Variants in AXDND1 observed in about 807,000 individuals in gnomAD.
AXDND1 encodes axonemal dynein light chain domain containing 1, also known as axonemal dynein light chain domain-containing protein 1.
AXDND1 carries 110 observed loss-of-function variants against 137.5 expected under a neutral mutation model. The ratio of observed to expected loss-of-function variants is 0.80; its 90% CI spans 0.69 to 0.94. The LOEUF (loss-of-function observed/expected upper bound fraction) is 0.94. AXDND1 is among the 40% of genes least tolerant of loss of function. The pLI is 0.00. For synonymous variants in AXDND1, 414 were observed against 399.7 expected (o/e 1.04, Z -0.43); for missense variants, 1,191 against 1,169.8 (o/e 1.02, Z -0.26).
chr1:179,526,887 A>G (rs996605571), intron 22 of AXDND1, among the ~76,000 whole-genome samples: 2 of 152,188 alleles, frequency 1.3e-5, no homozygotes, highest in African/African-American at 4.8e-5. Flanking sequence ...CAAGATGTTT[A>G]TGGTTGAGGA....
chr1:179,512,973 G>A (rs1243691278), intron 21 of AXDND1, among the ~76,000 whole-genome samples: 1 of 151,990 alleles, frequency 6.6e-6, no homozygotes, highest in African/African-American at 2.4e-5. Context: ...GAGTCTTTAG[G>A]GTTTTCAAGG....
At chr1:179,387,255 A>C (rs536564706) in intron 9 of AXDND1, among the ~76,000 whole-genome samples, 2 of 152,290 alleles carry the variant, frequency 1.3e-5, no homozygotes, top group East Asian at 3.9e-4. Context: ...TTATTGGCTC[A>C]CAGTTTGGGA....
chr1:179,424,851 T>C (rs7513782), intron 12 of AXDND1, among the ~76,000 whole-genome samples: 44,655 of 152,092 alleles, frequency 0.29, 6,773 homozygotes, highest in Non-Finnish European at 0.31. Context: ...GATGAATTTT[T>C]CAGTTCAGCA....
At chr1:179,528,660 T>A (rs1298136354) in intron 23 of AXDND1, among the ~76,000 whole-genome samples, 2 of 146,494 alleles carry the variant, frequency 1.4e-5, no homozygotes, top group African/African-American at 5.0e-5. Context: ...TTTTTTTTTT[T>A]TGACAGAGTT....
At chr1:179,366,745 C>G (rs1020009483) in intron 2 of AXDND1, 139 bp downstream of exon 2, 1 of 676,106 alleles carries the variant, frequency 1.5e-6, no homozygotes, top group Admixed American at 2.6e-5. Context: ...TTAAATAAAG[C>G]AAGAAGTCAT....
chr1:179,402,619 G>A (rs1228128607), intron 11 of AXDND1, among the ~76,000 whole-genome samples: 1 of 152,026 alleles, frequency 6.6e-6, no homozygotes, highest in African/African-American at 2.4e-5. Flanking sequence ...TCCCTCTCTA[G>A]CTGATTAATC....
chr1:179,528,364 G>A lies in AXDND1; in HGVS notation c.2648G>A (p.Arg883Gln), dbSNP rs1351036307. 2 of 1,613,828 alleles carry A rather than the reference G, an allele frequency of 1.2e-6. No homozygotes were observed. The highest frequency in any genetic ancestry group is 2.2e-5 in the South Asian group (2 of 91,066). ...STSTEKEKLIRFIGEDENVHS... is the reference protein window; with the variant it reads ...STSTEKEKLIQFIGEDENVHS... ...TCTACAGAGAAGGAAAAACTCATTCGATTCATTGGAGAAGATGAAAATGTT... is the reference window on the plus strand; with the variant it reads ...TCTACAGAGAAGGAAAAACTCATTCAATTCATTGGAGAAGATGAAAATGTT... The change falls in exon 23 of 26, where the codon CGA (arginine) becomes CAA (glutamine). Residue 883 changes from arginine (R) to glutamine (Q), a missense_variant. Physicochemically the swap from Arg to Gln is conservative, Grantham distance 43. Transcript: ENST00000367618.
Position 179,492,928 on chromosome 1 carries a change from C to T in AXDND1, c.2365C>T (p.Leu789Phe). 6.2e-7 allele frequency: 1 copy of T among 1,608,422 alleles called. No individual in the cohort carries two copies. The highest frequency in any genetic ancestry group is 8.5e-7 in the Non-Finnish European group (1 of 1,177,150). ...TNSHKNATED[L>F]YEVDKLKKEC... ...CTCACACAAAAATGCTACTGAAGAC[C>T]TTTATGAGGTGGATAAGTTGAAGGT... The change falls in exon 20 of 26, where the codon CTT becomes TTT. Residue 789 changes from leucine to phenylalanine, a missense_variant. Leu to Phe is a conservative substitution (Grantham distance 22). Coordinates refer to ENST00000367618, the MANE Select transcript of AXDND1 (RefSeq NM_144696.6).
chr1:179,382,673 A>T (rs773307613), intron 6 of AXDND1, 27 bp from the exon 7 acceptor site: 1 of 1,562,430 alleles, frequency 6.4e-7, no homozygotes, highest in Non-Finnish European at 8.8e-7. Context: ...TTCTTAAAAT[A>T]ACATTTACCT....
chr1:179,469,146 T>C (rs937704337), intron 17 of AXDND1, among the ~76,000 whole-genome samples: 2 of 152,062 alleles, frequency 1.3e-5, no homozygotes, highest in African/African-American at 4.8e-5. Context: ...GCTAGGCTGG[T>C]CTCGAACTCC....
chr1:179,507,013 C>A, intron 20 of AXDND1: 1 of 560,974 alleles, frequency 1.8e-6, no homozygotes, highest in Non-Finnish European at 2.3e-6. Context: ...CAGTGTCTTA[C>A]TGCTGGTACC....
chr1:179,366,379 T>A (rs1486811710), intron 1 of AXDND1, 25 bp from the exon 2 acceptor site: 148 of 603,842 alleles, frequency 2.5e-4, no homozygotes, highest in East Asian at 8.9e-4. Flanking sequence ...TTTTTTTTTT[T>A]AAATCTTTTT....
chr1:179,538,701 A>T (rs1422259803), intron 25 of AXDND1, among the ~76,000 whole-genome samples: 1 of 152,192 alleles, frequency 6.6e-6, no homozygotes, highest in Non-Finnish European at 1.5e-5. Context: ...GTAGGTGTCT[A>T]TTAGGTCTAC....
At chr1:179,373,309 GCTC>G (rs1668228641) in intron 4 of AXDND1, among the ~76,000 whole-genome samples, 1 of 152,116 alleles carries the variant, frequency 6.6e-6, no homozygotes. Flanking sequence ...ACAAACCACT[GCTC>G]AACGAAATAA....
chr1:179,404,177 T>G (rs571642917), intron 11 of AXDND1, among the ~76,000 whole-genome samples: 6 of 152,026 alleles, frequency 3.9e-5, no homozygotes, highest in Admixed American at 6.6e-5. Flanking sequence ...CTTTTCTTCA[T>G]TTTTTGATAT....
intron 8 of AXDND1, among the ~76,000 whole-genome samples, chr1:179,385,023 C>A (rs551159840): frequency 6.6e-6 from 1 of 152,302 alleles, no homozygotes; most frequent in Admixed American, 6.5e-5. Context: ...CTTGGCCTCC[C>A]AAAGTGTTGG....
At chr1:179,431,028 T>C (rs1470714573) in intron 14 of AXDND1, among the ~76,000 whole-genome samples, 2 of 152,146 alleles carry the variant, frequency 1.3e-5, no homozygotes, top group African/African-American at 2.4e-5. Flanking sequence ...AATCTGACAA[T>C]GAAAGAAGCT....
intron 11 of AXDND1, among the ~76,000 whole-genome samples, chr1:179,407,122 G>A (rs768734347): frequency 6.6e-6 from 1 of 152,022 alleles, no homozygotes; most frequent in Non-Finnish European, 1.5e-5. Context: ...TAGTGGTGAT[G>A]AATTTCCTCA....
intron 16 of AXDND1, among the ~76,000 whole-genome samples, chr1:179,463,988 C>G (rs1371621935): frequency 6.6e-6 from 1 of 152,092 alleles, no homozygotes; most frequent in Non-Finnish European, 1.5e-5. Context: ...TCCTCCATCC[C>G]TTTATTTTGA....
Sources: allele counts gnomAD v4.1 joint callset (sites outside exome capture counted in the v4.1 genomes callset), GRCh38; gene constraint gnomAD v4.1.1; transcripts MANE v1.5; gene names NCBI Gene and HGNC (gene_info 2026-07-23, HGNC 2026-07-21).